Variants in EPHA6 observed in about 807,000 individuals in gnomAD.
The protein encoded by EPHA6 is ephrin type-A receptor 6.
Under a neutral mutation model 112.0 loss-of-function variants are expected in EPHA6, and 50 were observed. The observed-to-expected ratio is 0.45, with a 90% confidence interval of 0.36 to 0.56. EPHA6 has a LOEUF of 0.56. EPHA6 is among the 20% of genes least tolerant of loss of function. EPHA6 has a pLI of 0.00. For synonymous variants in EPHA6, 529 were observed against 490.7 expected, an observed-to-expected ratio of 1.08 and a Z score of -1.03; for missense variants, 1,280 against 1,417.4, an observed-to-expected ratio of 0.90 and a Z score of 1.56.
chr3:96,998,297 A>C (rs1346541184), intron 3 of EPHA6, among the ~76,000 whole-genome samples: 1 of 151,934 alleles, frequency 6.6e-6, no homozygotes, highest in African/African-American at 2.4e-5. Context: ...CCTTTTAAAC[A>C]AGTGAAATTA....
chr3:97,325,691 G>A (rs959972934), intron 5 of EPHA6, among the ~76,000 whole-genome samples: 1 of 152,012 alleles, frequency 6.6e-6, no homozygotes, highest in Non-Finnish European at 1.5e-5. Flanking sequence ...TTTGGCTTCT[G>A]ATAATTTTTG....
At chr3:96,842,869 T>C (rs2034834723) in intron 1 of EPHA6, among the ~76,000 whole-genome samples, 1 of 152,036 alleles carries the variant, frequency 6.6e-6, no homozygotes, top group East Asian at 1.9e-4. Context: ...TTGGTTTGCA[T>C]GTGATGGCTG....
At chr3:97,139,667 C>T (rs1411799412) in intron 3 of EPHA6, among the ~76,000 whole-genome samples, 1 of 152,170 alleles carries the variant, frequency 6.6e-6, no homozygotes, top group Non-Finnish European at 1.5e-5. Flanking sequence ...AACACTCCCA[C>T]CCTCGGGGGG....
chr3:96,857,852 A>G (rs987773865), intron 1 of EPHA6, among the ~76,000 whole-genome samples: 2 of 152,132 alleles, frequency 1.3e-5, no homozygotes, highest in African/African-American at 2.4e-5. Flanking sequence ...TTATTTTTGT[A>G]GCATCTCCTC....
At chr3:97,502,567 G>A (rs1183525370) in intron 10 of EPHA6, among the ~76,000 whole-genome samples, 1 of 151,786 alleles carries the variant, frequency 6.6e-6, no homozygotes, top group Non-Finnish European at 1.5e-5. Context: ...GGGTGTGGTG[G>A]CTCACGCCTG....
chr3:97,545,583 A>G (rs1343717931), intron 11 of EPHA6, among the ~76,000 whole-genome samples: 7 of 152,108 alleles, frequency 4.6e-5, no homozygotes, highest in East Asian at 1.9e-4. Context: ...TATTAGGTCC[A>G]CTTGGTGCAG....
chr3:96,949,098 C>A lies in EPHA6; in HGVS notation c.451-38232C>A, dbSNP rs56814173. On this transcript the variant is annotated intron_variant, in intron 2 of 17. Transcript: ENST00000389672. ...TGTCTGTTGCACTTGATTGCTAAAT[C>A]AAACCCAAGAACATTGCTACAGTTT... is the stretch of plus-strand genomic sequence containing the variant. 1.7e-3 allele frequency among the ~76,000 whole-genome samples: 260 copies of A among 152,216 alleles called. 1 individual carries two copies. The highest frequency in any genetic ancestry group is 6.2e-3 in the African/African-American group (256 of 41,552).
In EPHA6 at chr3:97,475,370, A is replaced by G; in HGVS notation, c.1913A>G (p.Glu638Gly). ...GTTTCAGCTTCTGACATGGCAGCAG[A>G]ACAAGGACAGATTCTCGTGATAGCC... ...TGDETSDMAA[E>G]QGQILVIATA... Residue 638 changes from glutamate (E) to glycine (G), a missense_variant, in exon 8 of 18, where the codon GAA (glutamate) becomes GGA (glycine). Coordinates refer to ENST00000389672, the MANE Select transcript of EPHA6 (RefSeq NM_001080448.3). 1 of 1,611,730 alleles carries G rather than the reference A, an allele frequency of 6.2e-7. No homozygotes were observed.
chr3:97,595,969 G>C (rs144228578), intron 12 of EPHA6, among the ~76,000 whole-genome samples: 18 of 139,672 alleles, frequency 1.3e-4, no homozygotes, highest in African/African-American at 4.6e-4. Context: ...GCAGTGGCAC[G>C]ATCTCGGCTC....
intron 2 of EPHA6, among the ~76,000 whole-genome samples, chr3:96,918,495 G>A (rs2039595860): frequency 6.6e-6 from 1 of 152,064 alleles, no homozygotes; most frequent in African/African-American, 2.4e-5. Flanking sequence ...TTCAGTGATG[G>A]TAGGCAATGT....
intron 13 of EPHA6, among the ~76,000 whole-genome samples, chr3:97,621,272 G>A (rs1158277536): frequency 6.6e-6 from 1 of 151,902 alleles, no homozygotes; most frequent in East Asian, 1.9e-4. Context: ...TCAGAGAGTG[G>A]AGGGTGGGAG....
chr3:97,253,790 A>G (rs1197492863), intron 5 of EPHA6, among the ~76,000 whole-genome samples: 1 of 152,072 alleles, frequency 6.6e-6, no homozygotes, highest in African/African-American at 2.4e-5. Context: ...TACTATTTTG[A>G]CTTCCTGTTT....
chr3:97,173,257 G>A (rs902737887), intron 3 of EPHA6, among the ~76,000 whole-genome samples: 2 of 151,746 alleles, frequency 1.3e-5, no homozygotes, highest in Admixed American at 1.3e-4. Context: ...TTAGAAATAT[G>A]ATTTACATTA....
In EPHA6 at chr3:97,755,340, TCTTCC is replaced by T. The variant is rs935217918; in HGVS notation, c.*6643_*6647del. Reference sequence around the variant, plus strand: ...AGAAAAGTATCAGAATTAGTGAAAATCTTCCCTTAAGTAAAACTGTTCTTACTTGT... The same window carrying T: ...AGAAAAGTATCAGAATTAGTGAAAATCTTAAGTAAAACTGTTCTTACTTGT... On this transcript the variant is annotated 3_prime_UTR_variant, in exon 18 of 18. Coordinates refer to ENST00000389672, the MANE Select transcript of EPHA6 (RefSeq NM_001080448.3). 3.3e-5 allele frequency among the ~76,000 whole-genome samples: 5 copies of T among 152,192 alleles called. No homozygotes were observed. The highest frequency in any genetic ancestry group is 1.2e-4 in the African/African-American group (5 of 41,464).
At chr3:97,133,130 T>C (rs1229681520) in intron 3 of EPHA6, among the ~76,000 whole-genome samples, 2 of 152,022 alleles carry the variant, frequency 1.3e-5, no homozygotes, top group East Asian at 3.8e-4. Context: ...TCCGATGAGA[T>C]AGTAGACGTA....
intron 3 of EPHA6, among the ~76,000 whole-genome samples, chr3:97,005,706 G>A (rs2043852196): frequency 6.6e-6 from 1 of 152,064 alleles, no homozygotes; most frequent in Non-Finnish European, 1.5e-5. Context: ...GTTTTCAAAG[G>A]GAATGCTTCC....
chr3:96,909,817 T>C (rs969751046), intron 2 of EPHA6, among the ~76,000 whole-genome samples: 1 of 152,044 alleles, frequency 6.6e-6, no homozygotes, highest in Non-Finnish European at 1.5e-5. Context: ...CCAGAAACTC[T>C]GGACCAGAAT....
At chr3:97,179,651 A>G (rs1166702948) in intron 3 of EPHA6, among the ~76,000 whole-genome samples, 2 of 151,566 alleles carry the variant, frequency 1.3e-5, no homozygotes, top group African/African-American at 4.9e-5. Flanking sequence ...GACAAGGTCC[A>G]GGAGAATTCT....
chr3:97,644,999 G>C (rs890419075), intron 14 of EPHA6, among the ~76,000 whole-genome samples: 24 of 151,806 alleles, frequency 1.6e-4, no homozygotes, highest in African/African-American at 4.4e-4. Context: ...GAGAATTTTA[G>C]ACCAATATCC....
Sources: allele counts gnomAD v4.1 joint callset (sites outside exome capture counted in the v4.1 genomes callset), GRCh38; gene constraint gnomAD v4.1.1; transcripts MANE v1.5; gene names NCBI Gene and HGNC (gene_info 2026-07-23, HGNC 2026-07-21).